DLGAP2: variants seen among roughly 807,000 people sequenced by gnomAD.
DLGAP2 encodes the protein DLG associated protein 2.
A neutral mutation model predicts 100.3 loss-of-function variants in DLGAP2; 26 were observed. The ratio of observed to expected loss-of-function variants is 0.26; its 90% CI spans 0.19 to 0.36. DLGAP2 has a LOEUF of 0.36. DLGAP2 is among the 10% of genes least tolerant of loss of function. DLGAP2 has a pLI of 1.00. For synonymous variants in DLGAP2, 886 were observed against 630.1 expected (o/e 1.41, Z -6.08); for missense variants, 1,858 against 1,453.2 (o/e 1.28, Z -4.53).
chr8:1,584,686 G>A (rs1655552525), intron 6 of DLGAP2, among the ~76,000 whole-genome samples: 1 of 152,118 alleles, frequency 6.6e-6, no homozygotes, highest in African/African-American at 2.4e-5. Flanking sequence ...AGGACCTGGG[G>A]ATTCGAATGG....
chr8:1,380,937 C>CAAAAAAAAAAAAAAAAAAAAAAAAAAA (rs34675828), intron 3 of DLGAP2: 1 of 77,126 alleles, frequency 1.3e-5, no homozygotes, highest in Non-Finnish European at 2.5e-5. Flanking sequence ...GAACATGATT[C>CAAAAAAAAAAAAAAAAAAAAAAAAAAA]AAAAAAAAAA....
Position 1,319,718 on chromosome 8 carries a change from G to A in DLGAP2, c.106+60835G>A, listed in dbSNP as rs571884204. On this transcript the variant is annotated intron_variant, in intron 3 of 14. Coordinates refer to ENST00000637795, the MANE Select transcript of DLGAP2 (RefSeq NM_001346810.2). Reference sequence around the variant, plus strand: ...TGCACGTTGGAAAAGATGTCAGAACGATGGGAAGAGGCAGGACATCAGCAG... The same window carrying A: ...TGCACGTTGGAAAAGATGTCAGAACAATGGGAAGAGGCAGGACATCAGCAG... Among the ~76,000 whole-genome samples, 5 of 152,278 alleles carry A rather than the reference G, an allele frequency of 3.3e-5. No homozygotes were observed. The South Asian group carries it at 8.3e-4, about 25-fold the overall frequency.
intron 12 of DLGAP2, among the ~76,000 whole-genome samples, chr8:1,683,599 C>T (rs1327073888): frequency 6.6e-6 from 1 of 150,568 alleles, no homozygotes; most frequent in Non-Finnish European, 1.5e-5. Context: ...TCACACATCG[C>T]CTGGCACAGA....
chr8:836,844 C>G (rs1414824756), intron 1 of DLGAP2, among the ~76,000 whole-genome samples: 1 of 152,198 alleles, frequency 6.6e-6, no homozygotes, highest in Non-Finnish European at 1.5e-5. Flanking sequence ...AGGACCATAC[C>G]AGACTCTGCG....
chr8:911,268 C>T (rs564246603), intron 2 of DLGAP2, among the ~76,000 whole-genome samples: 6 of 152,130 alleles, frequency 3.9e-5, no homozygotes, highest in African/African-American at 7.2e-5. Flanking sequence ...TCTTAGGATG[C>T]GTGTGTAATG....
chr8:1,372,946 C>A (rs576172317), intron 3 of DLGAP2, among the ~76,000 whole-genome samples: 52 of 152,258 alleles, frequency 3.4e-4, no homozygotes, highest in African/African-American at 1.2e-3. Flanking sequence ...TTCCATGTGT[C>A]AGTGAAGGGA....
chr8:816,373 C>T (rs1796481642), intron 1 of DLGAP2, among the ~76,000 whole-genome samples: 1 of 150,514 alleles, frequency 6.6e-6, no homozygotes, highest in Admixed American at 6.6e-5. Context: ...GGATTTGTTT[C>T]AAGATTTAGA....
At chr8:880,843 A>G (rs1302954505) in intron 1 of DLGAP2, among the ~76,000 whole-genome samples, 1 of 152,238 alleles carries the variant, frequency 6.6e-6, no homozygotes, top group Non-Finnish European at 1.5e-5. Flanking sequence ...ATTTTTGCTA[A>G]GAAGTTCCTC....
intron 3 of DLGAP2, among the ~76,000 whole-genome samples, chr8:1,488,612 C>G (rs909010012): frequency 6.6e-6 from 1 of 152,194 alleles, no homozygotes; most frequent in Non-Finnish European, 1.5e-5. Flanking sequence ...ACACGCCACA[C>G]AGGAGAAAAC....
chr8:901,693 G>C (rs1319801663), intron 1 of DLGAP2, among the ~76,000 whole-genome samples: 2 of 152,204 alleles, frequency 1.3e-5, no homozygotes, highest in African/African-American at 4.8e-5. Flanking sequence ...AGTGGAGAGG[G>C]AGATCCAGCA....
At chr8:842,565 G>A (rs757940000) in intron 1 of DLGAP2, among the ~76,000 whole-genome samples, 19 of 152,132 alleles carry the variant, frequency 1.2e-4, no homozygotes, top group Non-Finnish European at 2.6e-4. Context: ...GTACATGGTC[G>A]TTCTTTCAAT....
At chr8:1,456,805 C>CGGTGAG (rs1563160664) in intron 3 of DLGAP2, among the ~76,000 whole-genome samples, 2 of 152,108 alleles carry the variant, frequency 1.3e-5, no homozygotes, top group African/African-American at 4.8e-5. Context: ...CTCTGTGATG[C>CGGTGAG]CGTGAGCCCG....
At chr8:1,255,698 CTTCTGCCTGGG>C (rs1799187762) in intron 2 of DLGAP2, among the ~76,000 whole-genome samples, 4 of 132,706 alleles carry the variant, frequency 3.0e-5, no homozygotes, top group African/African-American at 1.3e-4. Flanking sequence ...TGTGTGTCCT[CTTCTGCCTGGG>C]AGCTGTGTGT....
At position 1,515,498 on chromosome 8, in the gene DLGAP2, GCA is replaced by G. The variant is rs138922244; in HGVS notation, c.172+14080_172+14081del. On this transcript the variant is annotated intron_variant, in intron 4 of 14. Transcript: ENST00000637795. ...TGCAAAAATATGCAGACAGAAATGT[GCA>G]CACACACACACAGGTGCATGCACAT... Among the ~76,000 whole-genome samples, 387 of 151,294 alleles carry G rather than the reference GCA, an allele frequency of 2.6e-3. 3 individuals carry two copies. The highest frequency in any genetic ancestry group is 4.3e-3 in the Non-Finnish European group (293 of 67,802).
chr8:1,561,994 TG>T (rs1201697352), intron 5 of DLGAP2, among the ~76,000 whole-genome samples: 2 of 57,682 alleles, frequency 3.5e-5, no homozygotes, highest in Non-Finnish European at 3.4e-5. Flanking sequence ...TGTGTGGTGT[TG>T]GGGTGTCGGC....
At chr8:1,315,190 A>G (rs1197979002) in intron 3 of DLGAP2, among the ~76,000 whole-genome samples, 1 of 152,262 alleles carries the variant, frequency 6.6e-6, no homozygotes, top group African/African-American at 2.4e-5. Context: ...CCAACACTCA[A>G]GAAACTCGGC....
chr8:1,321,328 G>T (rs1585257534), intron 3 of DLGAP2, among the ~76,000 whole-genome samples: 1 of 151,320 alleles, frequency 6.6e-6, no homozygotes, highest in East Asian at 1.9e-4. Context: ...GTGCGTGTGT[G>T]TCTGTGTGTC....
rs1376502265 is a variant in DLGAP2, at chr8:1,238,043, CTGCCACATGG to C, written c.74-20807_74-20798del. Among the ~76,000 whole-genome samples, 2 of 10,706 alleles carry C rather than the reference CTGCCACATGG, an allele frequency of 1.9e-4. 1 individual carries two copies. Among genetic ancestry groups the C allele is most frequent in the Admixed American group, 1.4e-3 (2 of 1,446 alleles). The allele number at this position is 10,706 out of a possible 152,430, so 7.0% of individuals were successfully genotyped here. On this transcript the variant is annotated intron_variant, in intron 2 of 14. Coordinates refer to ENST00000637795, the MANE Select transcript of DLGAP2 (RefSeq NM_001346810.2). The stretch of plus-strand genomic sequence containing the variant: ...CTCACATGGCGCCGTGTCTAGTTCT[CTGCCACATGG>C]CGCCGTGTCTAGTTCTCTCACATGG...
chr8:1,577,701 C>G (rs1041121708), intron 6 of DLGAP2, among the ~76,000 whole-genome samples: 1 of 152,044 alleles, frequency 6.6e-6, no homozygotes, highest in Non-Finnish European at 1.5e-5. Context: ...GCAGCAGGGA[C>G]AGGTGTCAAG....
Sources: allele counts gnomAD v4.1 joint callset (sites outside exome capture counted in the v4.1 genomes callset), GRCh38; gene constraint gnomAD v4.1.1; transcripts MANE v1.5; gene names NCBI Gene and HGNC (gene_info 2026-07-23, HGNC 2026-07-21).